The following FOXP1 variants were observed in gnomAD, a reference collection of about 807,000 sequenced individuals.
FOXP1 encodes the protein forkhead box protein P1.
FOXP1 carries 15 observed loss-of-function variants against 98.2 expected under a neutral mutation model. The ratio of observed to expected loss-of-function variants is 0.15; its 90% confidence interval spans 0.10 to 0.24. FOXP1 has a LOEUF of 0.24. Ranked by LOEUF, FOXP1 falls within the 10% of genes least tolerant of loss-of-function variation. FOXP1 has a pLI of 1.00. For missense variants in FOXP1, 633 were observed against 848.5 expected (o/e 0.75, Z 3.15); for synonymous variants, 371 against 314.5 (o/e 1.18, Z -1.90).
At chr3:71,074,651 G>C (rs951774522) in intron 7 of FOXP1, among the ~76,000 whole-genome samples, 3 of 152,160 alleles carry the variant, frequency 2.0e-5, no homozygotes, top group Admixed American at 1.3e-4. Flanking sequence ...GTAAAACTAA[G>C]CCTGGAAGAA....
At chr3:71,310,885 T>C (rs1317273624) in intron 4 of FOXP1, among the ~76,000 whole-genome samples, 1 of 152,200 alleles carries the variant, frequency 6.6e-6, no homozygotes, top group Non-Finnish European at 1.5e-5. Flanking sequence ...CTCAAAGATA[T>C]TCCTCTCATG....
intron 11 of FOXP1, among the ~76,000 whole-genome samples, chr3:71,019,987 T>G (rs2045187509): frequency 6.6e-6 from 1 of 152,216 alleles, no homozygotes; most frequent in African/African-American, 2.4e-5. Context: ...TGTTGGCCTT[T>G]TTAAAAATGT....
At position 71,443,313 on chromosome 3, in the gene FOXP1, C is replaced by T. The variant is rs145088230; in HGVS notation, c.-168+50113G>A. Reference sequence around the variant, plus strand: ...TCAGAGTAATTAGCTTATCCATCACCTCGAACATTCATCATTTCTTTGTAA... The same window carrying T: ...TCAGAGTAATTAGCTTATCCATCACTTCGAACATTCATCATTTCTTTGTAA... On this transcript the variant is annotated intron_variant, in intron 3 of 20. Coordinates refer to ENST00000649528, the MANE Select transcript of FOXP1 (RefSeq NM_001349338.3). 1.7e-3 allele frequency among the ~76,000 whole-genome samples: 256 copies of T among 152,264 alleles called. 2 individuals carry two copies. The highest frequency in any genetic ancestry group is 5.8e-3 in the African/African-American group (241 of 41,544).
chr3:71,151,653 C>G (rs933827273), intron 6 of FOXP1, among the ~76,000 whole-genome samples: 1 of 116,674 alleles, frequency 8.6e-6, no homozygotes, highest in African/African-American at 3.0e-5. Context: ...GGATGCATGT[C>G]TAAAACATTT....
At chr3:71,364,429 T>C (rs947342167) in intron 3 of FOXP1, among the ~76,000 whole-genome samples, 2 of 152,206 alleles carry the variant, frequency 1.3e-5, no homozygotes, top group Admixed American at 6.5e-5. Flanking sequence ...ATTCCCACTT[T>C]ACAGGTAAGA....
chr3:71,499,473 T>C (rs1203363666), intron 2 of FOXP1, among the ~76,000 whole-genome samples: 1 of 152,222 alleles, frequency 6.6e-6, no homozygotes, highest in Non-Finnish European at 1.5e-5. Context: ...CATATAAACA[T>C]ACAGACATGC....
chr3:71,558,771 G>A (rs961054412), intron 2 of FOXP1, among the ~76,000 whole-genome samples: 1 of 144,738 alleles, frequency 6.9e-6, no homozygotes, highest in Non-Finnish European at 1.5e-5. Context: ...GGGAATCATA[G>A]GCATGAGCCA....
intron 12 of FOXP1, among the ~76,000 whole-genome samples, chr3:71,003,581 T>A (rs1416528613): frequency 6.6e-6 from 1 of 152,198 alleles, no homozygotes; most frequent in Non-Finnish European, 1.5e-5. Context: ...TATTTTATAC[T>A]GCAAAGATGT....
intron 5 of FOXP1, among the ~76,000 whole-genome samples, chr3:71,294,815 G>A (rs1022974105): frequency 1.1e-4 from 17 of 152,184 alleles, no homozygotes; most frequent in African/African-American, 3.1e-4. Flanking sequence ...GTGACAATGA[G>A]TGGGATGTAT....
chr3:71,514,195 T>C (rs924338371), intron 2 of FOXP1, among the ~76,000 whole-genome samples: 9 of 152,214 alleles, frequency 5.9e-5, no homozygotes, highest in Non-Finnish European at 1.5e-5. Flanking sequence ...GCCCTTTGAT[T>C]ATGCATGACT....
intron 2 of FOXP1, among the ~76,000 whole-genome samples, chr3:71,545,358 T>C (rs1220691169): frequency 6.6e-6 from 1 of 152,224 alleles, no homozygotes; most frequent in Non-Finnish European, 1.5e-5. Flanking sequence ...AGAGAAATAA[T>C]GGTTTTCCTA....
chr3:71,421,443 A>T (rs568764117), intron 3 of FOXP1, among the ~76,000 whole-genome samples: 1 of 152,304 alleles, frequency 6.6e-6, no homozygotes, highest in South Asian at 2.1e-4. Context: ...TTATCTTTTT[A>T]TTCAATAAGA....
At chr3:71,023,084 T>G (rs926500573) in intron 11 of FOXP1, among the ~76,000 whole-genome samples, 2 of 151,866 alleles carry the variant, frequency 1.3e-5, no homozygotes, top group African/African-American at 4.8e-5. Context: ...CTCCCTCCCT[T>G]CCCCCACTGG....
intron 5 of FOXP1, among the ~76,000 whole-genome samples, chr3:71,273,611 A>T (rs1401402059): frequency 6.6e-6 from 1 of 152,214 alleles, no homozygotes; most frequent in Non-Finnish European, 1.5e-5. Context: ...AAAGTTTCTG[A>T]TGACAAAGTC....
chr3:71,187,400 A>G (rs1394644647), intron 6 of FOXP1, among the ~76,000 whole-genome samples: 3 of 152,138 alleles, frequency 2.0e-5, no homozygotes, highest in African/African-American at 7.2e-5. Context: ...AGCTTGGACA[A>G]CATGGTGAAA....
chr3:71,372,886 C>T (rs1009966802), intron 3 of FOXP1, among the ~76,000 whole-genome samples: 1 of 152,114 alleles, frequency 6.6e-6, no homozygotes, highest in Non-Finnish European at 1.5e-5. Context: ...AGAGATTCTC[C>T]CTTCTATGTC....
intron 3 of FOXP1, among the ~76,000 whole-genome samples, chr3:71,417,228 C>T (rs951893110): frequency 6.6e-6 from 1 of 152,166 alleles, no homozygotes; most frequent in African/African-American, 2.4e-5. Context: ...GTCGTCCACA[C>T]GATGCAAATA....
chr3:71,269,983 C>G (rs1213447800), intron 5 of FOXP1, among the ~76,000 whole-genome samples: 2 of 152,048 alleles, frequency 1.3e-5, no homozygotes, highest in African/African-American at 4.8e-5. Flanking sequence ...TACTTTTTGC[C>G]AAAGCACCTA....
rs529130366 is a variant in FOXP1, at chr3:71,304,290, C to A, written c.-72-4410G>T. ...TCTCCTGCCTTACAGAAAAGGAAAA[C>A]CCTGGCCGTGGTCATGTGAAAATAT... On this transcript the variant is annotated intron_variant, in intron 4 of 20. Transcript: ENST00000649528. Among the ~76,000 whole-genome samples the A allele has an allele frequency of 2.6e-5, 4 of 152,254 alleles. No homozygotes were observed. The East Asian group carries it at 7.7e-4, about 29-fold the overall frequency.
Sources: allele counts gnomAD v4.1 joint callset (sites outside exome capture counted in the v4.1 genomes callset), GRCh38; gene constraint gnomAD v4.1.1; transcripts MANE v1.5; gene names NCBI Gene and HGNC (gene_info 2026-07-23, HGNC 2026-07-21).